Variants in CHRM3 observed in about 807,000 individuals in gnomAD.
The protein encoded by CHRM3 is cholinergic receptor muscarinic 3, also known as muscarinic acetylcholine receptor M3.
CHRM3 carries 11 observed loss-of-function variants against 41.8 expected under a neutral mutation model. That is an observed-to-expected ratio of 0.26 (90% CI 0.17 to 0.44). CHRM3 has a LOEUF of 0.44. Ranked by LOEUF, CHRM3 falls within the 20% of genes least tolerant of loss-of-function variation. The probability of loss-of-function intolerance (pLI) is 1.00; values close to 1 mark genes in which losing one functional copy is unlikely to be tolerated. For synonymous variants in CHRM3, 297 were observed against 301.4 expected (o/e 0.99, Z 0.15); for missense variants, 571 against 745.4 (o/e 0.77, Z 2.72).
intron 4 of CHRM3, among the ~76,000 whole-genome samples, chr1:239,658,993 C>T (rs1182848084): frequency 6.6e-6 from 1 of 152,126 alleles, no homozygotes; most frequent in Non-Finnish European, 1.5e-5. Flanking sequence ...CCACCTTGGC[C>T]TCCCAAAGTG....
At position 239,895,840 on chromosome 1, in the gene CHRM3, G is replaced by A. The variant is rs1572623678; in HGVS notation, c.-19-11593G>A. Among the ~76,000 whole-genome samples the A allele has an allele frequency of 2.6e-5, 4 of 152,174 alleles. No individual in the cohort carries two copies. In the South Asian group the frequency reaches 8.3e-4, roughly 32 times the overall value. ...CATGAGTGTGGAGGGTGGGTGGAGG[G>A]AAAGGATTGAAAATCTCCTGTTGGG... is the stretch of plus-strand genomic sequence containing the variant. On this transcript the variant is annotated intron_variant, in intron 6 of 6. Coordinates refer to ENST00000676153, the MANE Select transcript of CHRM3 (RefSeq NM_001375978.1).
At chr1:239,598,160 T>A (rs184637762) in intron 3 of CHRM3, among the ~76,000 whole-genome samples, 294 of 152,236 alleles carry the variant, frequency 1.9e-3, no homozygotes, top group African/African-American at 4.7e-3. Flanking sequence ...CCTCTAGTGC[T>A]TTGTAAGACC....
At chr1:239,506,295 G>A (rs1668566524) in intron 2 of CHRM3, among the ~76,000 whole-genome samples, 1 of 152,158 alleles carries the variant, frequency 6.6e-6, no homozygotes, top group African/African-American at 2.4e-5. Flanking sequence ...CAGAGACATA[G>A]GAGGAAAAGA....
At chr1:239,541,587 C>A (rs543257888) in intron 2 of CHRM3, among the ~76,000 whole-genome samples, 2 of 152,094 alleles carry the variant, frequency 1.3e-5, no homozygotes, top group Non-Finnish European at 2.9e-5. Flanking sequence ...TTACCTCTCA[C>A]CACAACCTCC....
At chr1:239,452,265 A>G (rs999854726) in intron 1 of CHRM3, among the ~76,000 whole-genome samples, 1 of 152,188 alleles carries the variant, frequency 6.6e-6, no homozygotes, top group South Asian at 2.1e-4. Flanking sequence ...AGTTAATTCT[A>G]ATTTGTGTCT....
chr1:239,631,828 C>G (rs549799377), intron 3 of CHRM3, among the ~76,000 whole-genome samples: 1 of 152,278 alleles, frequency 6.6e-6, no homozygotes, highest in African/African-American at 2.4e-5. Context: ...TGAACATAGA[C>G]CATACTAGCC....
At chr1:239,745,275 A>G (rs2148530997) in intron 5 of CHRM3, among the ~76,000 whole-genome samples, 1 of 152,190 alleles carries the variant, frequency 6.6e-6, no homozygotes, top group East Asian at 1.9e-4. Context: ...AAGATAAAAA[A>G]CTTAAGTCAT....
intron 4 of CHRM3, among the ~76,000 whole-genome samples, chr1:239,658,086 CAAAGA>C (rs2148997326): frequency 6.6e-6 from 1 of 152,200 alleles, no homozygotes; most frequent in Admixed American, 6.5e-5. Flanking sequence ...TTCTATCTCT[CAAAGA>C]AAGAAAAGTT....
At chr1:239,637,780 T>TG (rs1348399743) in intron 4 of CHRM3, among the ~76,000 whole-genome samples, 1 of 150,980 alleles carries the variant, frequency 6.6e-6, no homozygotes, top group African/African-American at 2.4e-5. Flanking sequence ...TTTATTATTA[T>TG]TATACTTTAA....
At chr1:239,390,637 C>A (rs1277244876) in intron 1 of CHRM3, among the ~76,000 whole-genome samples, 1 of 147,492 alleles carries the variant, frequency 6.8e-6, no homozygotes, top group African/African-American at 2.5e-5. Flanking sequence ...CTCACTCTGT[C>A]GCCCAGGTTA....
chr1:239,540,503 G>T (rs1049106622), intron 2 of CHRM3, among the ~76,000 whole-genome samples: 1 of 152,072 alleles, frequency 6.6e-6, no homozygotes, highest in Admixed American at 6.5e-5. Flanking sequence ...GAAGAAATTA[G>T]ATTTCAAATG....
intron 6 of CHRM3, among the ~76,000 whole-genome samples, chr1:239,900,343 T>C (rs11803862): frequency 0.048 from 7,337 of 151,862 alleles, 588 homozygotes; most frequent in African/African-American, 0.16. Flanking sequence ...AAACATTTGG[T>C]GACTCTCATT....
Position 239,519,477 on chromosome 1 carries a change from A to G in CHRM3, c.-421-26164A>G, listed in dbSNP as rs192664055. 6.1e-3 allele frequency among the ~76,000 whole-genome samples: 935 copies of G among 152,264 alleles called. 3 individuals carry two copies. The highest frequency in any genetic ancestry group is 8.5e-3 in the Non-Finnish European group (579 of 67,998). On this transcript the variant is annotated intron_variant, in intron 2 of 6. Transcript: ENST00000676153. ...TTTGATAATAGAAATCTGGTTTTCT[A>G]TGATTGACACATCAATTGTTAGTGA...
At chr1:239,878,769 G>C (rs1031862146) in intron 6 of CHRM3, among the ~76,000 whole-genome samples, 25 of 152,038 alleles carry the variant, frequency 1.6e-4, no homozygotes, top group Non-Finnish European at 3.5e-4. Flanking sequence ...GGTGTTAAGG[G>C]AGGTGAGAAT....
At chr1:239,802,222 C>CA (rs1209658895) in intron 5 of CHRM3, among the ~76,000 whole-genome samples, 2 of 152,028 alleles carry the variant, frequency 1.3e-5, no homozygotes, top group African/African-American at 4.8e-5. Context: ...CCAGGGTATG[C>CA]AAAAACCTTG....
chr1:239,521,581 C>T (rs752243059), intron 2 of CHRM3, among the ~76,000 whole-genome samples: 26 of 152,096 alleles, frequency 1.7e-4, no homozygotes, highest in Non-Finnish European at 3.2e-4. Flanking sequence ...TGCTGAAATA[C>T]AATACTACGT....
intron 3 of CHRM3, among the ~76,000 whole-genome samples, chr1:239,586,971 A>G (rs1287940976): frequency 3.9e-5 from 6 of 152,330 alleles, no homozygotes; most frequent in African/African-American, 1.4e-4. Context: ...GCTGGATTTG[A>G]AAACATGGCT....
chr1:239,487,326 A>T (rs2148037625), intron 1 of CHRM3, among the ~76,000 whole-genome samples: 1 of 152,288 alleles, frequency 6.6e-6, no homozygotes, highest in African/African-American at 2.4e-5. Flanking sequence ...TCTTCAGTAA[A>T]CCAGAAAACC....
At chr1:239,704,470 A>T (rs1357825705) in intron 5 of CHRM3, 2 of 152,228 alleles carry the variant, frequency 1.3e-5, no homozygotes, top group Non-Finnish European at 1.5e-5. Context: ...TCGAAAGAAC[A>T]TCAAGAAGAG....
Sources: gnomAD v4.1 joint callset for allele counts (sites outside exome capture counted in the v4.1 genomes callset) on GRCh38, gnomAD v4.1.1 for gene constraint, MANE v1.5 for transcripts, NCBI Gene and HGNC (gene_info 2026-07-23, HGNC 2026-07-21) for gene names.